CELF2: variants seen among roughly 807,000 people sequenced by gnomAD.
CELF2 encodes CUG triplet repeat RNA-binding protein 2.
In CELF2, 8 loss-of-function variants were observed where a neutral mutation model predicts 62.6. The observed-to-expected ratio is 0.13, with a 90% confidence interval of 0.07 to 0.23. CELF2 has a LOEUF of 0.23. CELF2 is among the 10% of genes least tolerant of loss of function. The pLI is 1.00. For missense variants in CELF2, 333 were observed against 671.0 expected (o/e 0.50, Z 5.56); for synonymous variants, 258 against 250.0 (o/e 1.03, Z -0.30).
At chr10:10,624,869 G>A in the CELF2 span, among the ~76,000 whole-genome samples, 1 of 152,124 alleles carries the variant, frequency 6.6e-6, no homozygotes, top group Non-Finnish European at 1.5e-5. Flanking sequence ...AGATTCACAG[G>A]GACACAAAGA....
chr10:11,271,653 A>G (rs2138660734), intron 7 of CELF2, among the ~76,000 whole-genome samples: 1 of 152,226 alleles, frequency 6.6e-6, no homozygotes, highest in South Asian at 2.1e-4. Context: ...TGGACTTCAC[A>G]TTTATTAATA....
chr10:11,209,485 C>G (rs2061259791), intron 2 of CELF2, among the ~76,000 whole-genome samples: 1 of 151,606 alleles, frequency 6.6e-6, no homozygotes, highest in Non-Finnish European at 1.5e-5. Flanking sequence ...CTTGTACTTT[C>G]TAAGAATGTC....
At chr10:11,058,620 C>T (rs2065943220) in intron 1 of CELF2, among the ~76,000 whole-genome samples, 1 of 151,728 alleles carries the variant, frequency 6.6e-6, no homozygotes, top group Non-Finnish European at 1.5e-5. Context: ...GCATGCACCA[C>T]CACACCTGGC....
the CELF2 span, among the ~76,000 whole-genome samples, chr10:10,551,591 C>G: frequency 6.6e-6 from 1 of 152,238 alleles, no homozygotes; most frequent in East Asian, 1.9e-4. Flanking sequence ...TGTACTAATA[C>G]TTAGGAGCTG....
the CELF2 span, among the ~76,000 whole-genome samples, chr10:10,769,918 C>T: frequency 3.3e-4 from 50 of 152,210 alleles, no homozygotes; most frequent in African/African-American, 1.2e-3. Flanking sequence ...AGTAGGGAGA[C>T]TAGACTTAAT....
chr10:10,601,710 G>A, the CELF2 span, among the ~76,000 whole-genome samples: 1 of 151,584 alleles, frequency 6.6e-6, no homozygotes, highest in Admixed American at 6.6e-5. Context: ...TTTAGCATGA[G>A]CATTTGGGTT....
At chr10:10,777,983 A>G in the CELF2 span, among the ~76,000 whole-genome samples, 1 of 152,154 alleles carries the variant, frequency 6.6e-6, no homozygotes, top group South Asian at 2.1e-4. Flanking sequence ...TTCTAGAGTT[A>G]CTTCCTGCAA....
intron 1 of CELF2, among the ~76,000 whole-genome samples, chr10:11,100,241 T>G (rs1433046310): frequency 6.6e-6 from 1 of 151,772 alleles, no homozygotes; most frequent in Non-Finnish European, 1.5e-5. Context: ...AATAAATAAA[T>G]AAAGTTTATA....
rs538502899 is a variant in CELF2 at position 11,079,130 on chromosome 10, C to A, written c.74+60967C>A. On this transcript the variant is annotated intron_variant, in intron 1 of 12. Transcript: ENST00000633077. ...TCTGGAGTTTTAAGGGGACTCCTTACATTTATTGCCCTGGAAGTAAAACTA... is the reference window on the plus strand; with the variant it reads ...TCTGGAGTTTTAAGGGGACTCCTTAAATTTATTGCCCTGGAAGTAAAACTA... 2.0e-5 allele frequency among the ~76,000 whole-genome samples: 3 copies of A among 152,250 alleles called. No individual in the cohort carries two copies. In the East Asian group the frequency reaches 5.8e-4, roughly 29 times the overall value.
At position 11,269,305 on chromosome 10, in the gene CELF2, G is replaced by A. The variant is rs564611874; in HGVS notation, c.619-1361G>A. Among the ~76,000 whole-genome samples, 1 of 152,256 alleles carries A rather than the reference G, an allele frequency of 6.6e-6. No individual in the cohort carries two copies. Among genetic ancestry groups the A allele is most frequent in the Non-Finnish European group, 1.5e-5 (1 of 68,018 alleles). ...ACCAGAGCTGAAGACCAGTAGGCTGGAAGTTTAACACTGAAATATTCATCT... is the reference window on the plus strand; with the variant it reads ...ACCAGAGCTGAAGACCAGTAGGCTGAAAGTTTAACACTGAAATATTCATCT... On this transcript the variant is annotated intron_variant, in intron 6 of 12. Coordinates refer to ENST00000633077, the MANE Select transcript of CELF2 (RefSeq NM_001326342.2). This position sits in a 1 kb window ranked among gnomAD's most constrained non-coding sequence, Gnocchi z 4.4.
rs570283460 is a variant in CELF2, at chr10:10,968,370, A to G, written c.89+48371A>G. 1.6e-3 allele frequency among the ~76,000 whole-genome samples: 245 copies of G among 152,318 alleles called. 2 individuals carry two copies. Among genetic ancestry groups the G allele is most frequent in the Middle Eastern group, 6.8e-3 (2 of 294 alleles). On this transcript the variant is annotated intron_variant, in intron 2 of 13. Coordinates refer to the CELF2 transcript ENST00000636488. ...AATGCGTGATGATGTTTAGAATACC[A>G]GCTGCCACCTAGCAATGTTCCCAAA...
the CELF2 span, among the ~76,000 whole-genome samples, chr10:10,465,532 G>T: frequency 1.3e-5 from 2 of 152,066 alleles, no homozygotes; most frequent in African/African-American, 4.8e-5. Flanking sequence ...TCTTATGGAT[G>T]TAAGTAGTCT....
At chr10:10,686,317 G>GGGT in the CELF2 span, among the ~76,000 whole-genome samples, 176 of 76,202 alleles carry the variant, frequency 2.3e-3, 9 homozygotes, top group Non-Finnish European at 3.5e-3. Flanking sequence ...TTTTGGGGGG[G>GGGT]GGGGTGGGGT....
the CELF2 span, among the ~76,000 whole-genome samples, chr10:10,521,214 C>A: frequency 6.6e-6 from 1 of 152,096 alleles, no homozygotes; most frequent in East Asian, 1.9e-4. Context: ...CAGACTAAAA[C>A]CAGAGCTATG....
At chr10:11,161,764 A>C (rs1361751015) in intron 1 of CELF2, among the ~76,000 whole-genome samples, 1 of 152,188 alleles carries the variant, frequency 6.6e-6, no homozygotes. Flanking sequence ...TCTAAGCCCT[A>C]GATGAGGTTG....
chr10:11,196,026 G>C (rs957179495), intron 2 of CELF2, among the ~76,000 whole-genome samples: 4 of 103,712 alleles, frequency 3.9e-5, no homozygotes, highest in African/African-American at 1.3e-4. Flanking sequence ...AGCACCTCAG[G>C]CAGGGGAGAA....
At chr10:10,823,386 A>G (rs576711648) in intron 1 of CELF2, among the ~76,000 whole-genome samples, 208 of 152,250 alleles carry the variant, frequency 1.4e-3, no homozygotes, top group African/African-American at 4.9e-3. Context: ...AGATCTGGGC[A>G]CTCGCAGGAA....
chr10:11,318,922 G>A lies in CELF2; in HGVS notation c.1097-2267G>A, dbSNP rs142661607. ...TGACAGGGCCTGAAAACTCCCACCC[G>A]CAGCAGACAAGGCATCATGGTGGTG... On this transcript the variant is annotated intron_variant, in intron 10 of 12. Transcript: ENST00000633077. The surrounding 1 kb of genome is among the most constrained non-coding windows in gnomAD (Gnocchi z 5.4). 6 of 471,098 alleles carry A rather than the reference G, an allele frequency of 1.3e-5. No individual in the cohort carries two copies. Among genetic ancestry groups the A allele is most frequent in the East Asian group, 7.0e-5 (1 of 14,380 alleles). The allele number at this position is 471,098 out of a possible 1,614,324, so 29.2% of individuals were successfully genotyped here. A position where few individuals can be genotyped will look rare whatever the true frequency, so the allele number is the denominator to read the frequency against.
At chr10:10,698,595 G>A in the CELF2 span, among the ~76,000 whole-genome samples, 1 of 152,184 alleles carries the variant, frequency 6.6e-6, no homozygotes, top group Non-Finnish European at 1.5e-5. Context: ...TCTGGGTGAG[G>A]TGTGTATTTA....
Sources: allele counts gnomAD v4.1 joint callset (sites outside exome capture counted in the v4.1 genomes callset), GRCh38; gene constraint gnomAD v4.1.1; non-coding constraint Gnocchi (gnomAD v3.1); transcripts MANE v1.5; gene names NCBI Gene and HGNC (gene_info 2026-07-23, HGNC 2026-07-21).